Variants in CTNNA3 observed in about 807,000 individuals in gnomAD.
CTNNA3 encodes the protein catenin alpha-3.
CTNNA3 carries 76 observed loss-of-function variants against 95.7 expected under a neutral mutation model. That is an observed-to-expected ratio of 0.79 (90% CI 0.66 to 0.96). The LOEUF (loss-of-function observed/expected upper bound fraction) is 0.96, where lower values mean the gene tolerates loss of function less well. CTNNA3 is among the 40% of genes least tolerant of loss of function. The pLI is 0.00. For synonymous variants in CTNNA3, 431 were observed against 374.4 expected (o/e 1.15, Z -1.74); for missense variants, 1,191 against 1,089.8 (o/e 1.09, Z -1.31).
intron 7 of CTNNA3, among the ~76,000 whole-genome samples, chr10:67,126,003 C>T (rs764526513): frequency 6.6e-6 from 1 of 152,112 alleles, no homozygotes; most frequent in African/African-American, 2.4e-5. Flanking sequence ...GGAATCTAAC[C>T]TCTGAATACA....
At chr10:67,362,971 G>A (rs1843048438) in intron 5 of CTNNA3, among the ~76,000 whole-genome samples, 1 of 151,800 alleles carries the variant, frequency 6.6e-6, no homozygotes. Flanking sequence ...TAACACTCAA[G>A]CTGACATCCA....
At chr10:66,944,284 CAA>C (rs1254487995) in intron 7 of CTNNA3, among the ~76,000 whole-genome samples, 1 of 152,164 alleles carries the variant, frequency 6.6e-6, no homozygotes, top group African/African-American at 2.4e-5. Flanking sequence ...GATTTTATCT[CAA>C]GAGACAACTT....
At chr10:67,575,968 G>A (rs1842129689) in intron 3 of CTNNA3, among the ~76,000 whole-genome samples, 1 of 152,166 alleles carries the variant, frequency 6.6e-6, no homozygotes, top group Non-Finnish European at 1.5e-5. Flanking sequence ...AATGGTCTGA[G>A]CAAAGATAGA....
At chr10:67,081,012 C>A (rs1223236121) in intron 7 of CTNNA3, among the ~76,000 whole-genome samples, 2 of 151,688 alleles carry the variant, frequency 1.3e-5, no homozygotes, top group Admixed American at 6.6e-5. Context: ...ATATTAGAAT[C>A]CTCAGTCCCT....
At chr10:67,609,986 C>G (rs1308803231) in intron 2 of CTNNA3, among the ~76,000 whole-genome samples, 2 of 152,198 alleles carry the variant, frequency 1.3e-5, no homozygotes, top group Non-Finnish European at 2.9e-5. Flanking sequence ...AGGCAAATAT[C>G]TCACTCTTGT....
At chr10:67,726,119 T>C (rs529159706) in intron 1 of CTNNA3, among the ~76,000 whole-genome samples, 3 of 113,480 alleles carry the variant, frequency 2.6e-5, no homozygotes, top group Admixed American at 1.2e-4. Flanking sequence ...TTATATATTA[T>C]TATATTAGAT....
At chr10:67,574,600 A>C (rs1478194075) in intron 3 of CTNNA3, among the ~76,000 whole-genome samples, 1 of 87,192 alleles carries the variant, frequency 1.1e-5, no homozygotes, top group Non-Finnish European at 2.0e-5. Context: ...TTTTTTTTTG[A>C]GACGGAGTCT....
At chr10:66,550,384 T>C (rs1842177946) in intron 10 of CTNNA3, among the ~76,000 whole-genome samples, 2 of 152,306 alleles carry the variant, frequency 1.3e-5, no homozygotes, top group Admixed American at 6.5e-5. Context: ...ACTTTGGCAT[T>C]CTCTATCCTT....
intron 14 of CTNNA3, among the ~76,000 whole-genome samples, chr10:66,094,668 T>C (rs2081326722): frequency 6.6e-6 from 1 of 152,124 alleles, no homozygotes; most frequent in South Asian, 2.1e-4. Flanking sequence ...TTAAAGGCAA[T>C]TAGCAAATTT....
chr10:66,453,778 AAAC>A lies in CTNNA3; in HGVS notation c.1531+66836_1531+66838del, dbSNP rs544701760. Among the ~76,000 whole-genome samples, 364 of 152,324 alleles carry A rather than the reference AAAC, an allele frequency of 2.4e-3. 2 individuals carry two copies. Among genetic ancestry groups the A allele is most frequent in the African/African-American group, 8.0e-3 (334 of 41,574 alleles). On this transcript the variant is annotated intron_variant, in intron 11 of 17. Coordinates refer to ENST00000433211, the MANE Select transcript of CTNNA3 (RefSeq NM_013266.4). ...ACTTAAGCATGTTGATTGCCTGATAAAACAACAATATAAGCATTCTCCATAGAA... is the reference window on the plus strand; with the variant it reads ...ACTTAAGCATGTTGATTGCCTGATAAAACAATATAAGCATTCTCCATAGAA...
intron 7 of CTNNA3, among the ~76,000 whole-genome samples, chr10:67,154,766 T>A (rs928069651): frequency 6.6e-6 from 1 of 152,166 alleles, no homozygotes; most frequent in Non-Finnish European, 1.5e-5. Context: ...CTACCTTGCC[T>A]ACCTGCCTCC....
chr10:66,738,570 T>C (rs1474476911), intron 9 of CTNNA3, among the ~76,000 whole-genome samples: 1 of 152,230 alleles, frequency 6.6e-6, no homozygotes, highest in Non-Finnish European at 1.5e-5. Flanking sequence ...TGTTAGGACA[T>C]CAAATTTTTC....
At chr10:67,295,168 C>G (rs938965615) in intron 5 of CTNNA3, among the ~76,000 whole-genome samples, 1 of 152,238 alleles carries the variant, frequency 6.6e-6, no homozygotes, top group South Asian at 2.1e-4. Context: ...TGGGGCATAA[C>G]GTAGTAAGTG....
rs754670763 is a variant in CTNNA3 at position 66,360,808 on chromosome 10, CCTTCCTTCCTTTCTTTCTTTCTTTCTTT to C, written c.1732+18316_1732+18343del. The stretch of plus-strand genomic sequence containing the variant: ...TTCTTCCTTCCTTCCTTCCTTCCTT[CCTTCCTTCCTTTCTTTCTTTCTTTCTTT>C]CTTTCTTTCTTTCTTTCTTTCCTTT... On this transcript the variant is annotated intron_variant, in intron 12 of 17. Transcript: ENST00000433211. 6.0e-3 allele frequency among the ~76,000 whole-genome samples: 373 copies of C among 61,800 alleles called. 8 individuals carry two copies. Among genetic ancestry groups the C allele is most frequent in the African/African-American group, 0.019 (295 of 15,656 alleles). 40.5% of individuals were successfully genotyped at this position (61,800 alleles called of 152,430 possible).
At chr10:67,635,572 A>G (rs1839283550) in intron 2 of CTNNA3, among the ~76,000 whole-genome samples, 1 of 152,192 alleles carries the variant, frequency 6.6e-6, no homozygotes, top group Admixed American at 6.5e-5. Context: ...CAAAAACCAC[A>G]TGATTATCTC....
chr10:66,697,232 T>G (rs1324728283), intron 9 of CTNNA3, among the ~76,000 whole-genome samples: 1 of 149,474 alleles, frequency 6.7e-6, no homozygotes, highest in Non-Finnish European at 1.5e-5. Context: ...TGTATTTATG[T>G]GTGTATATAT....
At chr10:67,448,260 C>T (rs1243110512) in intron 5 of CTNNA3, among the ~76,000 whole-genome samples, 1 of 152,008 alleles carries the variant, frequency 6.6e-6, no homozygotes, top group Non-Finnish European at 1.5e-5. Flanking sequence ...AATAAATGTT[C>T]CTGTGTATGA....
At chr10:67,231,051 G>T (rs1327188844) in intron 5 of CTNNA3, among the ~76,000 whole-genome samples, 3 of 152,172 alleles carry the variant, frequency 2.0e-5, no homozygotes, top group Non-Finnish European at 2.9e-5. Flanking sequence ...CTGATTGCTA[G>T]CACAGCAGTC....
At chr10:66,334,896 T>G (rs1046804508) in intron 12 of CTNNA3, among the ~76,000 whole-genome samples, 1 of 152,132 alleles carries the variant, frequency 6.6e-6, no homozygotes, top group Non-Finnish European at 1.5e-5. Flanking sequence ...GTCTTTCACA[T>G]AGTTCCATAT....
Sources: allele counts gnomAD v4.1 joint callset (sites outside exome capture counted in the v4.1 genomes callset), GRCh38; gene constraint gnomAD v4.1.1; transcripts MANE v1.5; gene names NCBI Gene and HGNC (gene_info 2026-07-23, HGNC 2026-07-21).